The following TTC29 variants were observed in gnomAD, a reference collection of about 807,000 sequenced individuals.
TTC29 encodes tetratricopeptide repeat protein 29.
In TTC29, 49 loss-of-function variants were observed where a neutral mutation model predicts 58.1. That is an observed-to-expected ratio of 0.84 (90% CI 0.67 to 1.07). TTC29 has a LOEUF of 1.07. TTC29 is among the 50% of genes least tolerant of loss of function. The probability of loss-of-function intolerance (pLI) is 0.00; values close to 1 mark genes in which losing one functional copy is unlikely to be tolerated. For synonymous variants in TTC29, 209 were observed against 196.8 expected, an observed-to-expected ratio of 1.06 and a Z score of -0.52; for missense variants, 582 against 555.6, an observed-to-expected ratio of 1.05 and a Z score of -0.48.
intron 11 of TTC29, among the ~76,000 whole-genome samples, chr4:146,772,627 C>A (rs571151655): frequency 2.8e-4 from 43 of 152,190 alleles, no homozygotes; most frequent in African/African-American, 9.4e-4. Flanking sequence ...TTACTATAAC[C>A]TTGTAGTATA....
intron 8 of TTC29, among the ~76,000 whole-genome samples, chr4:146,847,040 C>T (rs756598121): frequency 6.6e-6 from 1 of 152,116 alleles, no homozygotes; most frequent in Non-Finnish European, 1.5e-5. Context: ...GAAAGTCTTC[C>T]ACTGAATGCT....
chr4:146,925,397 T>C (rs145599994), intron 4 of TTC29, among the ~76,000 whole-genome samples: 3 of 152,258 alleles, frequency 2.0e-5, no homozygotes, highest in Non-Finnish European at 2.9e-5. Context: ...CACAAACATT[T>C]AGGCTTATGT....
At chr4:146,771,891 T>C (rs1347214426) in intron 11 of TTC29, among the ~76,000 whole-genome samples, 1 of 152,178 alleles carries the variant, frequency 6.6e-6, no homozygotes, top group Non-Finnish European at 1.5e-5. Context: ...CATTCCCTTT[T>C]CTCCACAACC....
At chr4:146,801,308 T>C (rs147709057) in intron 11 of TTC29, among the ~76,000 whole-genome samples, 4 of 152,322 alleles carry the variant, frequency 2.6e-5, no homozygotes, top group Admixed American at 2.6e-4. Flanking sequence ...GATAATATCC[T>C]ACAGATTTTA....
At position 146,708,327 on chromosome 4, in the gene TTC29, T is replaced by C. The variant is rs1447062747; in HGVS notation, c.1331-776A>G. Among the ~76,000 whole-genome samples, 72 of 53,180 alleles carry C rather than the reference T, an allele frequency of 1.4e-3. 1 individual carries two copies. The highest frequency in any genetic ancestry group is 7.8e-3 in the Middle Eastern group (1 of 128). The allele number at this position is 53,180 out of a possible 152,430, so 34.9% of individuals were successfully genotyped here. ...GGAAGTTTATATATATATATATATA[T>C]ATATATATATATATATATATATATA... is the stretch of plus-strand genomic sequence containing the variant. On this transcript the variant is annotated intron_variant, in intron 11 of 12. Coordinates refer to ENST00000325106, the MANE Select transcript of TTC29 (RefSeq NM_031956.4).
chr4:146,862,880 T>C (rs1730328592), intron 8 of TTC29, among the ~76,000 whole-genome samples: 1 of 152,096 alleles, frequency 6.6e-6, no homozygotes, highest in South Asian at 2.1e-4. Flanking sequence ...CCCAGCATTT[T>C]GGGAGGCTGA....
At chr4:146,728,201 C>G (rs1238440810) in intron 11 of TTC29, among the ~76,000 whole-genome samples, 2 of 151,668 alleles carry the variant, frequency 1.3e-5, no homozygotes, top group African/African-American at 4.8e-5. Context: ...GCAGGAGAAT[C>G]ACCTGAACAT....
intron 7 of TTC29, 28 bp downstream of exon 7, chr4:146,874,688 C>A (rs757102570): frequency 2.1e-5 from 32 of 1,533,176 alleles, no homozygotes; most frequent in Non-Finnish European, 2.4e-5. Context: ...TTAAAGAAAG[C>A]AATGTGAGAG....
chr4:146,707,289 G>T, intron 12 of TTC29, 101 bp from the exon 13 acceptor site: 2 of 896,666 alleles, frequency 2.2e-6, no homozygotes, highest in South Asian at 2.1e-5. Flanking sequence ...TTCAGATGTG[G>T]CTTCAAAATT....
chr4:146,834,216 G>A (rs756718420), intron 8 of TTC29, among the ~76,000 whole-genome samples: 6 of 151,964 alleles, frequency 3.9e-5, no homozygotes, highest in African/African-American at 9.7e-5. Context: ...TTTAAAATAC[G>A]GGATTATTAT....
chr4:146,726,443 T>C (rs962065590), intron 11 of TTC29, among the ~76,000 whole-genome samples: 25 of 152,130 alleles, frequency 1.6e-4, no homozygotes, highest in Admixed American at 1.0e-3. Flanking sequence ...AGTGAGACTC[T>C]GTCTCAAAAA....
intron 2 of TTC29, among the ~76,000 whole-genome samples, chr4:146,941,222 T>G (rs1006957542): frequency 6.6e-5 from 10 of 152,222 alleles, no homozygotes; most frequent in African/African-American, 2.4e-4. Flanking sequence ...ACCCCGTCTA[T>G]GTCCACCAGG....
intron 2 of TTC29, among the ~76,000 whole-genome samples, chr4:146,943,627 A>C (rs546354539): frequency 4.6e-5 from 7 of 152,338 alleles, no homozygotes; most frequent in Non-Finnish European, 8.8e-5. Context: ...TTTGTTTTAC[A>C]CAACAGATAA....
intron 11 of TTC29, among the ~76,000 whole-genome samples, chr4:146,799,888 C>T (rs886955894): frequency 6.6e-6 from 1 of 152,070 alleles, no homozygotes; most frequent in Non-Finnish European, 1.5e-5. Flanking sequence ...CTCCAAAAGG[C>T]CAGATGAATG....
chr4:146,797,076 A>C (rs965733884), intron 11 of TTC29, among the ~76,000 whole-genome samples: 8 of 152,228 alleles, frequency 5.3e-5, no homozygotes, highest in Non-Finnish European at 1.2e-4. Context: ...ATGGATGCTA[A>C]AACAGTGAGT....
intron 8 of TTC29, among the ~76,000 whole-genome samples, chr4:146,849,728 C>T (rs1045947389): frequency 6.6e-6 from 1 of 152,122 alleles, no homozygotes; most frequent in African/African-American, 2.4e-5. Flanking sequence ...GATCCTACTC[C>T]TTATCTCCAC....
intron 6 of TTC29, among the ~76,000 whole-genome samples, chr4:146,890,010 T>C (rs1326741060): frequency 2.6e-5 from 4 of 152,168 alleles, no homozygotes; most frequent in African/African-American, 9.6e-5. Flanking sequence ...CACTCCACCA[T>C]TGGTATATTT....
intron 9 of TTC29, among the ~76,000 whole-genome samples, chr4:146,825,688 T>A (rs566319338): frequency 2.0e-5 from 3 of 152,292 alleles, no homozygotes; most frequent in Non-Finnish European, 2.9e-5. Context: ...ATCTGCCTAA[T>A]ACTGACAGTG....
intron 11 of TTC29, among the ~76,000 whole-genome samples, chr4:146,740,656 A>C (rs1228766507): frequency 1.3e-5 from 2 of 152,146 alleles, no homozygotes; most frequent in East Asian, 1.9e-4. Flanking sequence ...TACCAGACTT[A>C]AAGTTCATTA....
Sources: gnomAD v4.1 joint callset for allele counts (sites outside exome capture counted in the v4.1 genomes callset) on GRCh38, gnomAD v4.1.1 for gene constraint, MANE v1.5 for transcripts, NCBI Gene and HGNC (gene_info 2026-07-23, HGNC 2026-07-21) for gene names.